Variants in EPHA7 observed in about 807,000 individuals in gnomAD.
EPHA7 encodes the protein ephrin type-A receptor 7.
Under a neutral mutation model 112.6 loss-of-function variants are expected in EPHA7, and 25 were observed. The ratio of observed to expected loss-of-function variants is 0.22; its 90% confidence interval spans 0.16 to 0.31. The LOEUF (loss-of-function observed/expected upper bound fraction) is 0.31. Among genes scored for constraint, EPHA7 ranks in the 10% least tolerant of loss-of-function variants. The pLI is 1.00. For synonymous variants in EPHA7, 437 were observed against 406.5 expected, an observed-to-expected ratio of 1.07 and a Z score of -0.90; for missense variants, 962 against 1,212.6, an observed-to-expected ratio of 0.79 and a Z score of 3.07.
At chr6:93,337,964 A>G (rs1774955836) in intron 5 of EPHA7, among the ~76,000 whole-genome samples, 1 of 151,986 alleles carries the variant, frequency 6.6e-6, no homozygotes, top group Non-Finnish European at 1.5e-5. Context: ...GGAGGTGAGG[A>G]AAAGAGGGAA....
At chr6:93,380,105 A>T (rs1029474108) in intron 3 of EPHA7, among the ~76,000 whole-genome samples, 1 of 152,028 alleles carries the variant, frequency 6.6e-6, no homozygotes, top group African/African-American at 2.4e-5. Context: ...CAACATTTTT[A>T]AAAAATCCAT....
chr6:93,292,233 C>T (rs184749807), intron 5 of EPHA7, among the ~76,000 whole-genome samples: 1 of 152,096 alleles, frequency 6.6e-6, no homozygotes, highest in Non-Finnish European at 1.5e-5. Flanking sequence ...CCCTTGCCCC[C>T]AACTTATTAC....
intron 3 of EPHA7, among the ~76,000 whole-genome samples, chr6:93,402,687 T>C (rs1241152503): frequency 6.6e-6 from 1 of 152,048 alleles, no homozygotes; most frequent in Non-Finnish European, 1.5e-5. Flanking sequence ...AGGGTAATAT[T>C]AGCTTAGGGA....
intron 3 of EPHA7, among the ~76,000 whole-genome samples, chr6:93,389,067 A>T (rs941541311): frequency 3.9e-5 from 6 of 152,110 alleles, no homozygotes; most frequent in Non-Finnish European, 5.9e-5. Flanking sequence ...ACAGAAATTG[A>T]CAGAATAGAT....
chr6:93,279,745 G>A (rs1188321442), intron 5 of EPHA7, among the ~76,000 whole-genome samples: 1 of 152,128 alleles, frequency 6.6e-6, no homozygotes, highest in Non-Finnish European at 1.5e-5. Flanking sequence ...ACATCAGTAA[G>A]CACTTTTTTG....
At chr6:93,339,164 C>T (rs911396764) in intron 5 of EPHA7, among the ~76,000 whole-genome samples, 2 of 151,438 alleles carry the variant, frequency 1.3e-5, no homozygotes, top group Non-Finnish European at 3.0e-5. Context: ...ATAGTGTCTT[C>T]AGAATTCAAA....
At chr6:93,343,036 A>T (rs1775218749) in intron 5 of EPHA7, among the ~76,000 whole-genome samples, 1 of 151,768 alleles carries the variant, frequency 6.6e-6, no homozygotes, top group Non-Finnish European at 1.5e-5. Flanking sequence ...TAAAAGTTGA[A>T]CACTTTTTGT....
chr6:93,363,381 A>T (rs1460919530), intron 3 of EPHA7, among the ~76,000 whole-genome samples: 2 of 152,154 alleles, frequency 1.3e-5, no homozygotes, highest in Non-Finnish European at 2.9e-5. Flanking sequence ...GCCAATCAAA[A>T]ATATGCAAGG....
Position 93,311,043 on chromosome 6 carries a change from G to A in EPHA7, c.1325-38621C>T, listed in dbSNP as rs147225021. ...CAGCTCACTGCAACCTTGACCTCCT[G>A]GGTTCAAGTGATCCTCCCACATCAG... On this transcript the variant is annotated intron_variant, in intron 5 of 16. Coordinates refer to ENST00000369303, the MANE Select transcript of EPHA7 (RefSeq NM_004440.4). 9.6e-3 allele frequency among the ~76,000 whole-genome samples: 1,444 copies of A among 150,582 alleles called. 9 individuals carry two copies. The highest frequency in any genetic ancestry group is 0.015 in the Non-Finnish European group (994 of 67,782).
chr6:93,356,681 A>G (rs1775963297), intron 5 of EPHA7, 36 bp downstream of exon 5: 2 of 1,546,076 alleles, frequency 1.3e-6, no homozygotes, highest in Non-Finnish European at 1.8e-6. Flanking sequence ...AGGTAGTCAC[A>G]TTATTTCATT....
At position 93,240,826 on chromosome 6, in the gene EPHA7, A is replaced by C. The variant is rs1353170700; in HGVS notation, c.*2600T>G. ...ATCTCTTTCTGGAAGAGAGTATTAC[A>C]ATCAGCATTACAATGTTAATTCTTT... On this transcript the variant is annotated 3_prime_UTR_variant, in exon 17 of 17. Transcript: ENST00000369303. 1 of 211,040 alleles carries C rather than the reference A, an allele frequency of 4.7e-6. No individual in the cohort carries two copies. Among genetic ancestry groups the C allele is most frequent in the African/African-American group, 2.3e-5 (1 of 44,176 alleles). 13.1% of individuals were successfully genotyped at this position (211,040 alleles called of 1,614,324 possible). A position where few individuals can be genotyped will look rare whatever the true frequency, so the allele number is the denominator to read the frequency against.
rs375374307 is a variant in EPHA7 at position 93,323,319 on chromosome 6, G to A, written c.1324+33398C>T. Among the ~76,000 whole-genome samples, 36 of 151,314 alleles carry A rather than the reference G, an allele frequency of 2.4e-4. 1 individual carries two copies. The highest frequency in any genetic ancestry group is 6.6e-4 in the Admixed American group (10 of 15,136). On this transcript the variant is annotated intron_variant, in intron 5 of 16. Transcript: ENST00000369303. ...ATACTGGAATCCAATGGGGTAAAAC[G>A]TTTTCGAGTGCATTTAGGACTCTTG... is the stretch of plus-strand genomic sequence containing the variant.
At chr6:93,319,148 A>G (rs914072674) in intron 5 of EPHA7, among the ~76,000 whole-genome samples, 2 of 152,150 alleles carry the variant, frequency 1.3e-5, no homozygotes, top group Non-Finnish European at 2.9e-5. Flanking sequence ...AAAAAGATGG[A>G]CAATAAATTT....
chr6:93,300,759 T>C (rs1236809478), intron 5 of EPHA7, among the ~76,000 whole-genome samples: 1 of 152,214 alleles, frequency 6.6e-6, no homozygotes, highest in African/African-American at 2.4e-5. Flanking sequence ...CTTAATTTGT[T>C]CTGTTGCATG....
At chr6:93,378,371 T>C (rs1460784882) in intron 3 of EPHA7, among the ~76,000 whole-genome samples, 2 of 152,096 alleles carry the variant, frequency 1.3e-5, no homozygotes, top group Non-Finnish European at 2.9e-5. Flanking sequence ...ACTGTAGCCA[T>C]GATGGATTAG....
chr6:93,269,467 G>C lies in EPHA7; in HGVS notation c.1633+10C>G. ...TTGAGAGTAGGAATCCAAACCAAAG[G>C]CATAATTACCTTCAAACATTTTACC... On this transcript the variant is annotated intron_variant, in intron 7 of 16. Coordinates refer to ENST00000369303, the MANE Select transcript of EPHA7 (RefSeq NM_004440.4). The C allele has an allele frequency of 6.2e-7, 1 of 1,608,486 alleles. No homozygotes were observed. Among genetic ancestry groups the C allele is most frequent in the Non-Finnish European group, 8.5e-7 (1 of 1,176,770 alleles).
intron 5 of EPHA7, among the ~76,000 whole-genome samples, chr6:93,327,122 G>T (rs1774359929): frequency 6.6e-6 from 1 of 151,554 alleles, no homozygotes; most frequent in Non-Finnish European, 1.5e-5. Flanking sequence ...TGCAGTCTAA[G>T]ACACATGAGA....
At chr6:93,329,363 TTTG>T (rs1182940218) in intron 5 of EPHA7, among the ~76,000 whole-genome samples, 1 of 151,442 alleles carries the variant, frequency 6.6e-6, no homozygotes, top group Non-Finnish European at 1.5e-5. Flanking sequence ...TTTAAAAGCT[TTTG>T]TTAATTAGTA....
chr6:93,417,466 C>G (rs3799787), intron 1 of EPHA7, among the ~76,000 whole-genome samples: 2 of 152,218 alleles, frequency 1.3e-5, no homozygotes, highest in Non-Finnish European at 2.9e-5. Flanking sequence ...ACTTCTGCAT[C>G]TAAAGAATTC....
Sources: allele counts gnomAD v4.1 joint callset (sites outside exome capture counted in the v4.1 genomes callset), GRCh38; gene constraint gnomAD v4.1.1; transcripts MANE v1.5; gene names NCBI Gene and HGNC (gene_info 2026-07-23, HGNC 2026-07-21).